SS18L1: variants seen among roughly 807,000 people sequenced by gnomAD.
SS18L1 encodes calcium-responsive transactivator.
A neutral mutation model predicts 70.3 loss-of-function variants in SS18L1; 32 were observed. The ratio of observed to expected loss-of-function variants is 0.46; its 90% CI spans 0.34 to 0.61. The LOEUF is 0.61. Among genes scored for constraint, SS18L1 ranks in the 20% least tolerant of loss-of-function variants. The pLI is 0.01. For synonymous variants in SS18L1, 237 were observed against 229.7 expected (o/e 1.03, Z -0.29); for missense variants, 430 against 542.1 (o/e 0.79, Z 2.05).
In SS18L1 at chr20:62,180,213, G is replaced by A. The variant is rs1182620858; in HGVS notation, c.*1005G>A. On this transcript the variant is annotated 3_prime_UTR_variant, in exon 11 of 11. Coordinates refer to ENST00000331758, the MANE Select transcript of SS18L1 (RefSeq NM_198935.3). ...CCAAGCAAGCATTTCTTTTCTTTTA[G>A]GGATGTCTGAAAGTCACATCCAGTT... is the stretch of plus-strand genomic sequence containing the variant. 2.5e-5 allele frequency: 5 copies of A among 203,828 alleles called. No homozygotes were observed. The highest frequency in any genetic ancestry group is 1.1e-4 in the African/African-American group (5 of 43,636). The allele number at this position is 203,828 out of a possible 1,614,324, so 12.6% of individuals were successfully genotyped here.
At chr20:62,166,989 C>T (rs2057443850) in intron 8 of SS18L1, among the ~76,000 whole-genome samples, 1 of 150,018 alleles carries the variant, frequency 6.7e-6, no homozygotes, top group African/African-American at 2.5e-5. Context: ...CCTGTAATCC[C>T]AGCACTTTGG....
chr20:62,154,898 T>C (rs922348644), intron 1 of SS18L1, among the ~76,000 whole-genome samples: 4 of 152,170 alleles, frequency 2.6e-5, no homozygotes, highest in South Asian at 2.1e-4. Flanking sequence ...CCTCGGTCGA[T>C]CCGTCCTGCT....
rs1361572286 is a variant in SS18L1 at position 62,172,575 on chromosome 20, G to C, written c.917-107G>C. ...GAAAAAATAAACATGCCGAAGCAATGGATTTGGTTTTGGGATTCCAAAGTT... is the reference window on the plus strand; with the variant it reads ...GAAAAAATAAACATGCCGAAGCAATCGATTTGGTTTTGGGATTCCAAAGTT... On this transcript the variant is annotated intron_variant, in intron 8 of 10. Coordinates refer to ENST00000331758, the MANE Select transcript of SS18L1 (RefSeq NM_198935.3). 7.2e-6 allele frequency: 11 copies of C among 1,531,290 alleles called. No individual in the cohort carries two copies. In the South Asian group the frequency reaches 1.1e-4, roughly 16 times the overall value. 94.9% of individuals were successfully genotyped at this position (1,531,290 alleles called of 1,614,324 possible).
At chr20:62,171,786 G>A (rs558754478) in intron 8 of SS18L1, among the ~76,000 whole-genome samples, 2 of 152,300 alleles carry the variant, frequency 1.3e-5, no homozygotes, top group Admixed American at 1.3e-4. Flanking sequence ...TGGAAGGCAG[G>A]GGCAGCAGGA....
At chr20:62,163,436 G>C in intron 5 of SS18L1, 22 bp from the exon 6 acceptor site, 1 of 1,611,436 alleles carries the variant, frequency 6.2e-7, no homozygotes, top group South Asian at 1.1e-5. Flanking sequence ...GGGTGATGTG[G>C]GGCCTCTGTC....
rs57193775 is a variant in SS18L1, at chr20:62,181,566, TTAAGAA to T, written c.*2361_*2366del. 0.041 allele frequency: 8,810 copies of T among 213,144 alleles called. 281 individuals carry two copies. Among genetic ancestry groups the T allele is most frequent in the African/African-American group, 0.089 (3,933 of 44,306 alleles). The allele number at this position is 213,144 out of a possible 1,614,324, so 13.2% of individuals were successfully genotyped here. A position where few individuals can be genotyped will look rare whatever the true frequency, so the allele number is the denominator to read the frequency against. On this transcript the variant is annotated 3_prime_UTR_variant, in exon 11 of 11. Transcript: ENST00000331758. ...AAACTTCAATCTGAAATGTCTTACA[TTAAGAA>T]TATCTTGAATGTTGTGTATATATTT...
At chr20:62,170,333 G>A (rs545382566) in intron 8 of SS18L1, among the ~76,000 whole-genome samples, 3 of 152,266 alleles carry the variant, frequency 2.0e-5, no homozygotes, top group Admixed American at 6.5e-5. Flanking sequence ...GTGAAACCCC[G>A]TCTCTACTAA....
intron 10 of SS18L1, among the ~76,000 whole-genome samples, chr20:62,178,893 C>T (rs2057666220): frequency 6.6e-6 from 1 of 152,238 alleles, no homozygotes; most frequent in Non-Finnish European, 1.5e-5. Context: ...GGAGGAGAGC[C>T]TTCCTGCATA....
In SS18L1 at chr20:62,174,466, AG is replaced by A; in HGVS notation, c.1037-50del. On this transcript the variant is annotated intron_variant, in intron 9 of 10. Transcript: ENST00000331758. This position sits in a 1 kb window ranked among gnomAD's most constrained non-coding sequence, Gnocchi z 4.1. Reference sequence around the variant, plus strand: ...AAAATTTTTAAGTTAAGAAAAAAAAAGAAAGAGGTGTCCGTTTTGGCCGGCC... The same window carrying A: ...AAAATTTTTAAGTTAAGAAAAAAAAAAAAGAGGTGTCCGTTTTGGCCGGCC... 6.5e-7 allele frequency: 1 copy of A among 1,545,928 alleles called. No individual in the cohort carries two copies. The highest frequency in any genetic ancestry group is 8.7e-7 in the Non-Finnish European group (1 of 1,149,006).
intron 3 of SS18L1, among the ~76,000 whole-genome samples, chr20:62,160,516 C>T (rs1415986379): frequency 6.6e-6 from 1 of 152,150 alleles, no homozygotes; most frequent in Non-Finnish European, 1.5e-5. Flanking sequence ...TAAAAGAGAA[C>T]ATGCCCAGCA....
chr20:62,163,307 G>C (rs559513000), intron 5 of SS18L1, 151 bp from the exon 6 acceptor site: 18 of 1,173,690 alleles, frequency 1.5e-5, no homozygotes, highest in Non-Finnish European at 2.2e-5. Context: ...AGGCCACGTA[G>C]GGGAGGCGTG....
chr20:62,162,912 C>A lies in SS18L1; in HGVS notation c.537C>A (p.Ile179=). The change falls in exon 5 of 11, where the codon ATC becomes ATA. Residue 179 remains isoleucine (I), a synonymous_variant. Transcript: ENST00000331758. ...TIGNYVSRTN[I]NMQSNPVSMM... ...GCAACTACGTGTCTCGGACCAACAT[C>A]AACATGCAGTCCAACCCAGGTACCT... 6.2e-7 allele frequency: 1 copy of A among 1,612,796 alleles called. No homozygotes were observed. The highest frequency in any genetic ancestry group is 8.5e-7 in the Non-Finnish European group (1 of 1,179,948).
At chr20:62,144,620 C>T (rs1345025092) in intron 1 of SS18L1, among the ~76,000 whole-genome samples, 3 of 152,254 alleles carry the variant, frequency 2.0e-5, no homozygotes, top group Non-Finnish European at 2.9e-5. Context: ...CGGATTTGCT[C>T]CACAACCTTT....
intron 5 of SS18L1, 57 bp downstream of exon 5, chr20:62,162,988 A>T: frequency 6.3e-7 from 1 of 1,579,656 alleles, no homozygotes; most frequent in African/African-American, 1.4e-5. Flanking sequence ...AAGACCCTTG[A>T]CACATGCACG....
intron 8 of SS18L1, among the ~76,000 whole-genome samples, chr20:62,167,193 C>G: frequency 6.6e-6 from 1 of 150,650 alleles, no homozygotes; most frequent in East Asian, 2.1e-4. Flanking sequence ...TTACAGGCCC[C>G]GCCACCACAC....
rs1433607322 is a variant in SS18L1 at position 62,158,980 on chromosome 20, A to G, written c.146+232A>G. The G allele has an allele frequency of 6.4e-7, 1 of 1,558,262 alleles. No homozygotes were observed. The highest frequency in any genetic ancestry group is 2.4e-5 in the East Asian group (1 of 42,090). Reference sequence around the variant, plus strand: ...CCGAGAGTCCCCCAGCACGGAGGCCAGATATGTCCCGAGAGTCCCCCAGCA... The same window carrying G: ...CCGAGAGTCCCCCAGCACGGAGGCCGGATATGTCCCGAGAGTCCCCCAGCA... On this transcript the variant is annotated intron_variant, in intron 2 of 10. Coordinates refer to ENST00000331758, the MANE Select transcript of SS18L1 (RefSeq NM_198935.3). The surrounding 1 kb of genome is among the most constrained non-coding windows in gnomAD (Gnocchi z 4.5).
In SS18L1 at chr20:62,155,707, G is replaced by A. The variant is rs1382344419; in HGVS notation, c.70-2965G>A. On this transcript the variant is annotated intron_variant, in intron 1 of 10. Transcript: ENST00000331758. Reference sequence around the variant, plus strand: ...CATCTCCTGCCAGCAGATCCTGGGCGACCCTGAAAGGTGCCAGAATTTTAA... The same window carrying A: ...CATCTCCTGCCAGCAGATCCTGGGCAACCCTGAAAGGTGCCAGAATTTTAA... Among the ~76,000 whole-genome samples the A allele has an allele frequency of 2.6e-5, 4 of 152,300 alleles. No homozygotes were observed. In the South Asian group the frequency reaches 6.2e-4, roughly 24 times the overall value.
chr20:62,148,286 G>T (rs2427250), intron 1 of SS18L1, among the ~76,000 whole-genome samples: 20,050 of 147,542 alleles, frequency 0.14, 3,420 homozygotes, highest in African/African-American at 0.47. Flanking sequence ...CTTAGGTCAG[G>T]TGAGGGAGGC....
intron 1 of SS18L1, among the ~76,000 whole-genome samples, chr20:62,145,138 A>G (rs1470967295): frequency 6.6e-6 from 1 of 152,268 alleles, no homozygotes; most frequent in African/African-American, 2.4e-5. Context: ...CAAGTGTGGC[A>G]TTTTAATTTA....
Sources: allele counts gnomAD v4.1 joint callset (sites outside exome capture counted in the v4.1 genomes callset), GRCh38; gene constraint gnomAD v4.1.1; non-coding constraint Gnocchi (gnomAD v3.1); transcripts MANE v1.5; gene names NCBI Gene and HGNC (gene_info 2026-07-23, HGNC 2026-07-21).